The following E2F5 variants were observed in gnomAD, a reference collection of about 807,000 sequenced individuals.
E2F5 encodes the protein E2F transcription factor 5, also known as transcription factor E2F5.
A neutral mutation model predicts 39.1 loss-of-function variants in E2F5; 23 were observed. That is an observed-to-expected ratio of 0.59 (90% CI 0.42 to 0.83). The LOEUF (loss-of-function observed/expected upper bound fraction) is 0.83. Among genes scored for constraint, E2F5 ranks in the 40% least tolerant of loss-of-function variants. The pLI, the probability that E2F5 is intolerant of heterozygous loss-of-function variation, is 0.00. For missense variants in E2F5, 365 were observed against 406.7 expected, an observed-to-expected ratio of 0.90 and a Z score of 0.88; for synonymous variants, 145 against 157.8, an observed-to-expected ratio of 0.92 and a Z score of 0.61.
At position 85,202,268 on chromosome 8, in the gene E2F5, A is replaced by C. The variant is rs770468544; in HGVS notation, c.344+12A>C. 1 of 1,559,090 alleles carries C rather than the reference A, an allele frequency of 6.4e-7. No homozygotes were observed. The highest frequency in any genetic ancestry group is 8.7e-7 in the Non-Finnish European group (1 of 1,150,696). On this transcript the variant is annotated intron_variant, in intron 2 of 7. Transcript: ENST00000416274. ...AGTATCCAGTGGAAGTAAGTTACAA[A>C]CCAGCACCCTCTTCTGAAACCTTTT... is the stretch of plus-strand genomic sequence containing the variant.
chr8:85,210,135 A>C (rs1812885159), intron 6 of E2F5, among the ~76,000 whole-genome samples: 1 of 152,256 alleles, frequency 6.6e-6, no homozygotes. Context: ...TGAATGAATG[A>C]ATGAATGAAT....
At chr8:85,177,876 G>A in intron 1 of E2F5, 1 of 750,114 alleles carries the variant, frequency 1.3e-6, no homozygotes, top group Non-Finnish European at 1.7e-6. Flanking sequence ...GTAACCAATG[G>A]GGCCCGGCGC....
chr8:85,197,266 T>C (rs1400150853), intron 1 of E2F5, among the ~76,000 whole-genome samples: 1 of 152,202 alleles, frequency 6.6e-6, no homozygotes, highest in Non-Finnish European at 1.5e-5. Context: ...TGTTTTGATA[T>C]TAGCCTTTTT....
intron 1 of E2F5, among the ~76,000 whole-genome samples, chr8:85,187,000 A>G (rs1431452741): frequency 6.6e-6 from 1 of 150,960 alleles, no homozygotes; most frequent in Non-Finnish European, 1.5e-5. Flanking sequence ...GCTGTATTCC[A>G]TAGATTTTGT....
chr8:85,181,839 T>C (rs1304892329), intron 1 of E2F5, among the ~76,000 whole-genome samples: 1 of 151,190 alleles, frequency 6.6e-6, no homozygotes, highest in Non-Finnish European at 1.5e-5. Context: ...GAGGCGCCTG[T>C]AATCCCAGCT....
At chr8:85,180,511 CATATATATATATAT>C (rs58188216) in intron 1 of E2F5, among the ~76,000 whole-genome samples, 4,168 of 80,710 alleles carry the variant, frequency 0.052, 149 homozygotes, top group African/African-American at 0.1. Flanking sequence ...AGAAACTATA[CATATATATATATAT>C]ATATATATAT....
chr8:85,200,698 T>C (rs2129714291), intron 1 of E2F5, among the ~76,000 whole-genome samples: 1 of 152,350 alleles, frequency 6.6e-6, no homozygotes, highest in East Asian at 1.9e-4. Flanking sequence ...ATTTGTACCG[T>C]TAACTTTGCA....
chr8:85,203,832 A>T (rs1812745457), intron 3 of E2F5, among the ~76,000 whole-genome samples: 1 of 147,962 alleles, frequency 6.8e-6, no homozygotes, highest in South Asian at 2.1e-4. Context: ...TATCATATAT[A>T]ATATATAAAA....
intron 1 of E2F5, among the ~76,000 whole-genome samples, chr8:85,185,822 C>G (rs536351484): frequency 1.3e-5 from 2 of 152,150 alleles, no homozygotes; most frequent in African/African-American, 4.8e-5. Flanking sequence ...CCATCTCACA[C>G]CAGTTACAAT....
chr8:85,204,206 C>T (rs9650670), intron 3 of E2F5, among the ~76,000 whole-genome samples: 3,751 of 152,092 alleles, frequency 0.025, 93 homozygotes, highest in East Asian at 0.063. Context: ...TCTTGGACTT[C>T]GCTGCCCTGC....
chr8:85,191,260 T>C (rs564293985), intron 1 of E2F5, among the ~76,000 whole-genome samples: 2 of 152,284 alleles, frequency 1.3e-5, no homozygotes, highest in Admixed American at 1.3e-4. Flanking sequence ...TCATAGAATC[T>C]AAGAATAGGA....
At chr8:85,183,057 C>A (rs1323461352) in intron 1 of E2F5, among the ~76,000 whole-genome samples, 4 of 152,146 alleles carry the variant, frequency 2.6e-5, no homozygotes, top group African/African-American at 9.7e-5. Flanking sequence ...TGAGACCATC[C>A]TGGCTAACAC....
chr8:85,201,796 C>A, intron 1 of E2F5: 1 of 249,772 alleles, frequency 4.0e-6, no homozygotes, highest in Admixed American at 6.0e-5. Flanking sequence ...TGTTTATGAA[C>A]AGAGAAATAA....
rs1036400460 is a variant in E2F5, at chr8:85,214,095, A to C, written c.*233A>C. On this transcript the variant is annotated 3_prime_UTR_variant, in exon 8 of 8. Transcript: ENST00000416274. Reference sequence around the variant, plus strand: ...ATCCACAAACGTCCCCACTCCCAAAAGTAACTATATTCTGGATTTCAACTT... The same window carrying C: ...ATCCACAAACGTCCCCACTCCCAAACGTAACTATATTCTGGATTTCAACTT... The C allele has an allele frequency of 8.5e-6, 5 of 584,970 alleles. No individual in the cohort carries two copies. Among genetic ancestry groups the C allele is most frequent in the Non-Finnish European group, 1.3e-5 (4 of 318,162 alleles). The allele number at this position is 584,970 out of a possible 1,614,324, so 36.2% of individuals were successfully genotyped here. A position where few individuals can be genotyped will look rare whatever the true frequency, so the allele number is the denominator to read the frequency against.
chr8:85,179,400 T>G (rs1391779879), intron 1 of E2F5, among the ~76,000 whole-genome samples: 1 of 152,194 alleles, frequency 6.6e-6, no homozygotes, highest in Non-Finnish European at 1.5e-5. Flanking sequence ...GGCTATATAA[T>G]TGCCCTACAG....
At chr8:85,211,220 T>TAAAAAA (rs5892938) in intron 6 of E2F5, among the ~76,000 whole-genome samples, 1 of 112,494 alleles carries the variant, frequency 8.9e-6, no homozygotes, top group Non-Finnish European at 1.8e-5. Flanking sequence ...ACCCTATCTC[T>TAAAAAA]AAAAAAAAAA....
intron 1 of E2F5, among the ~76,000 whole-genome samples, chr8:85,191,304 C>A (rs976803945): frequency 6.6e-6 from 1 of 151,950 alleles, no homozygotes; most frequent in Non-Finnish European, 1.5e-5. Context: ...AGATGTTGGT[C>A]AAAAGATACA....
At chr8:85,193,486 C>T (rs1026225429) in intron 1 of E2F5, among the ~76,000 whole-genome samples, 3 of 152,024 alleles carry the variant, frequency 2.0e-5, no homozygotes, top group Non-Finnish European at 4.4e-5. Flanking sequence ...CTCAATCAAT[C>T]GATCAATCAA....
At chr8:85,198,493 C>T (rs1812627923) in intron 1 of E2F5, among the ~76,000 whole-genome samples, 1 of 152,120 alleles carries the variant, frequency 6.6e-6, no homozygotes, top group Non-Finnish European at 1.5e-5. Flanking sequence ...GACTTTCAGC[C>T]CCACCTCTCT....
Sources: allele counts gnomAD v4.1 joint callset (sites outside exome capture counted in the v4.1 genomes callset), GRCh38; gene constraint gnomAD v4.1.1; transcripts MANE v1.5; gene names NCBI Gene and HGNC (gene_info 2026-07-23, HGNC 2026-07-21).